LDAH: variants seen among roughly 807,000 people sequenced by gnomAD.
LDAH encodes the protein lipid droplet-associated hydrolase.
LDAH carries 26 observed loss-of-function variants against 29.6 expected under a neutral mutation model. That is an observed-to-expected ratio of 0.88 (90% CI 0.64 to 1.22). LDAH has a LOEUF of 1.22. Among genes scored for constraint, LDAH ranks in the 50% most tolerant of loss-of-function variants. LDAH has a pLI of 0.00. For synonymous variants in LDAH, 117 were observed against 133.0 expected, an observed-to-expected ratio of 0.88 and a Z score of 0.83; for missense variants, 344 against 387.3, an observed-to-expected ratio of 0.89 and a Z score of 0.94.
intron 5 of LDAH, among the ~76,000 whole-genome samples, chr2:20,711,447 G>T (rs567657578): frequency 2.6e-5 from 4 of 151,760 alleles, no homozygotes; most frequent in African/African-American, 9.7e-5. Flanking sequence ...GAACAGCTCC[G>T]GTCTGCAGCT....
At chr2:20,702,299 C>A (rs949338667) in intron 5 of LDAH, among the ~76,000 whole-genome samples, 1 of 152,112 alleles carries the variant, frequency 6.6e-6, no homozygotes, top group Non-Finnish European at 1.5e-5. Context: ...ACCCTGAATT[C>A]CATTTTGGCT....
intron 5 of LDAH, among the ~76,000 whole-genome samples, chr2:20,722,477 G>A (rs1268651343): frequency 2.0e-5 from 3 of 151,326 alleles, no homozygotes; most frequent in Non-Finnish European, 4.4e-5. Context: ...ACAGATGAGA[G>A]AAATTGGTTA....
At chr2:20,711,741 G>T (rs373793965) in intron 5 of LDAH, among the ~76,000 whole-genome samples, 1 of 152,200 alleles carries the variant, frequency 6.6e-6, no homozygotes, top group Admixed American at 6.5e-5. Flanking sequence ...TACATCCTGC[G>T]CCTGGCTCAG....
intron 6 of LDAH, among the ~76,000 whole-genome samples, chr2:20,695,700 G>A (rs965040816): frequency 6.6e-6 from 1 of 152,024 alleles, no homozygotes; most frequent in African/African-American, 2.4e-5. Flanking sequence ...CACCCGCCTC[G>A]GCCTCCCAAA....
chr2:20,683,849 T>G (rs1269757317), downstream of LDAH, among the ~76,000 whole-genome samples: 1 of 111,628 alleles, frequency 9.0e-6, no homozygotes, highest in East Asian at 2.4e-4. Context: ...GACCTCATTT[T>G]ATCTCCATTA....
At chr2:20,733,336 T>G (rs1044840841) in intron 5 of LDAH, among the ~76,000 whole-genome samples, 2 of 151,774 alleles carry the variant, frequency 1.3e-5, no homozygotes, top group Non-Finnish European at 2.9e-5. Context: ...GCTCAAGTGA[T>G]CCTTCCATCT....
chr2:20,687,728 A>G (rs1662671840), intron 6 of LDAH, among the ~76,000 whole-genome samples: 1 of 152,218 alleles, frequency 6.6e-6, no homozygotes, highest in Non-Finnish European at 1.5e-5. Context: ...GGCATTACTA[A>G]GACCCTGAAT....
intron 4 of LDAH, among the ~76,000 whole-genome samples, chr2:20,766,435 G>T (rs562203007): frequency 6.6e-6 from 1 of 152,282 alleles, no homozygotes; most frequent in South Asian, 2.1e-4. Context: ...CCTCTGCCAT[G>T]GGACTTGAAT....
chr2:20,794,478 C>A (rs1218864363), intron 2 of LDAH, among the ~76,000 whole-genome samples: 1 of 152,026 alleles, frequency 6.6e-6, no homozygotes, highest in Admixed American at 6.6e-5. Context: ...ACCTCGTGAA[C>A]AAAGATGGAA....
chr2:20,732,333 T>C (rs1666467834), intron 5 of LDAH, among the ~76,000 whole-genome samples: 1 of 152,154 alleles, frequency 6.6e-6, no homozygotes, highest in Admixed American at 6.5e-5. Flanking sequence ...TAGGGGATAC[T>C]GGCCTGTAGT....
intron 3 of LDAH, among the ~76,000 whole-genome samples, chr2:20,776,489 T>C (rs1235504470): frequency 5.3e-5 from 8 of 152,206 alleles, no homozygotes. Flanking sequence ...TGAAAAGCTT[T>C]TTCTTGACTC....
chr2:20,799,218 ACT>A (rs935570135), intron 2 of LDAH, among the ~76,000 whole-genome samples: 3 of 152,228 alleles, frequency 2.0e-5, no homozygotes, highest in South Asian at 2.1e-4. Context: ...AGAGAGTGAG[ACT>A]CTGTCTAAAC....
At chr2:20,695,202 G>A (rs536976289) in intron 6 of LDAH, among the ~76,000 whole-genome samples, 1 of 152,296 alleles carries the variant, frequency 6.6e-6, no homozygotes, top group Non-Finnish European at 1.5e-5. Context: ...ACAGCTCCTT[G>A]AGGCATCTTA....
chr2:20,778,528 A>T (rs1669967809), intron 3 of LDAH, among the ~76,000 whole-genome samples: 1 of 152,188 alleles, frequency 6.6e-6, no homozygotes, highest in Admixed American at 6.5e-5. Context: ...TTCATTTTAC[A>T]TGAACTGAAT....
intron 6 of LDAH, among the ~76,000 whole-genome samples, chr2:20,695,281 T>A (rs1663355764): frequency 6.6e-6 from 1 of 152,194 alleles, no homozygotes; most frequent in South Asian, 2.1e-4. Flanking sequence ...ATACTCAGCA[T>A]CACTAATACC....
intron 5 of LDAH, among the ~76,000 whole-genome samples, chr2:20,729,702 C>G (rs114380410): frequency 0.014 from 2,073 of 152,314 alleles, 48 homozygotes; most frequent in African/African-American, 0.048. Context: ...GCAGGTGTAA[C>G]AAATAATATA....
At chr2:20,799,126 C>T (rs1054591044) in intron 2 of LDAH, among the ~76,000 whole-genome samples, 7 of 151,498 alleles carry the variant, frequency 4.6e-5, no homozygotes, top group Admixed American at 1.3e-4. Flanking sequence ...ACTGATGAGG[C>T]TGATACAGGA....
intron 6 of LDAH, among the ~76,000 whole-genome samples, chr2:20,694,916 G>C (rs1663327262): frequency 6.6e-6 from 1 of 152,234 alleles, no homozygotes; most frequent in African/African-American, 2.4e-5. Flanking sequence ...TCTCACGTGA[G>C]ACTGCACTGA....
intron 4 of LDAH, among the ~76,000 whole-genome samples, chr2:20,766,265 C>T (rs540602063): frequency 6.6e-6 from 1 of 152,296 alleles, no homozygotes; most frequent in Non-Finnish European, 1.5e-5. Flanking sequence ...TGGTCACAAA[C>T]AGACGCTTCC....
Sources: gnomAD v4.1 joint callset for allele counts (sites outside exome capture counted in the v4.1 genomes callset) on GRCh38, gnomAD v4.1.1 for gene constraint, MANE v1.5 for transcripts, NCBI Gene and HGNC (gene_info 2026-07-23, HGNC 2026-07-21) for gene names.